The following KIAA1958 variants were observed in gnomAD, a reference collection of about 807,000 sequenced individuals.
KIAA1958 encodes uncharacterized protein KIAA1958.
A neutral mutation model predicts 47.2 loss-of-function variants in KIAA1958; 14 were observed. The observed-to-expected ratio is 0.30, with a 90% confidence interval of 0.20 to 0.46. The LOEUF (loss-of-function observed/expected upper bound fraction) is 0.46. Among genes scored for constraint, KIAA1958 ranks in the 20% least tolerant of loss-of-function variants. KIAA1958 has a pLI of 1.00. For missense variants in KIAA1958, 803 were observed against 909.2 expected, an observed-to-expected ratio of 0.88 and a Z score of 1.50; for synonymous variants, 354 against 353.3, an observed-to-expected ratio of 1.00 and a Z score of -0.02.
At chr9:112,488,236 T>G (rs1245393036) in intron 1 of KIAA1958, among the ~76,000 whole-genome samples, 1 of 152,206 alleles carries the variant, frequency 6.6e-6, no homozygotes, top group Non-Finnish European at 1.5e-5. Context: ...TCTAGGATTG[T>G]GCCTTTACTA....
chr9:112,579,259 A>G (rs1453386533), intron 2 of KIAA1958, among the ~76,000 whole-genome samples: 1 of 152,008 alleles, frequency 6.6e-6, no homozygotes, highest in African/African-American at 2.4e-5. Context: ...CAATTCTTTC[A>G]ACATCTATCA....
Position 112,574,549 on chromosome 9 carries a change from G to T in KIAA1958, c.469G>T (p.Asp157Tyr). ...TTGTGAGTCTTCTGTTACAGATGAG[G>T]ATAGTGACTTTGAACCCCAAACCCA... ...MVCESSVTDE[D>Y]SDFEPQTQRP... Residue 157 changes from aspartate to tyrosine, a missense_variant, in exon 2 of 4, where the codon GAT becomes TAT. Physicochemically the swap from Asp to Tyr is radical, Grantham distance 160 (BLOSUM62 -3). Around this residue, in one of 2 missense-constraint regions of KIAA1958, gnomAD observed 761 missense variants for 829.3 expected, o/e 0.92. Transcript: ENST00000337530. The T allele has an allele frequency of 6.2e-7, 1 of 1,614,126 alleles. No individual in the cohort carries two copies. The highest frequency in any genetic ancestry group is 8.5e-7 in the Non-Finnish European group (1 of 1,180,020).
chr9:112,525,825 G>C (rs1340736536), intron 1 of KIAA1958, among the ~76,000 whole-genome samples: 1 of 150,638 alleles, frequency 6.6e-6, no homozygotes. Context: ...ACTGAATCTG[G>C]GTGAGCATAG....
intron 1 of KIAA1958, among the ~76,000 whole-genome samples, chr9:112,561,494 A>G (rs1489290544): frequency 6.6e-6 from 1 of 152,230 alleles, no homozygotes; most frequent in East Asian, 1.9e-4. Flanking sequence ...CCCAGTGCCT[A>G]GTGGCCCACT....
chr9:112,609,649 T>C (rs1836291585), intron 2 of KIAA1958, among the ~76,000 whole-genome samples: 1 of 152,076 alleles, frequency 6.6e-6, no homozygotes. Flanking sequence ...CCTCCTAGGC[T>C]CAAGGGATTC....
At chr9:112,655,805 A>G (rs1837141010) in intron 3 of KIAA1958, among the ~76,000 whole-genome samples, 2 of 152,192 alleles carry the variant, frequency 1.3e-5, no homozygotes, top group Non-Finnish European at 2.9e-5. Flanking sequence ...GCCTCATCTC[A>G]GTAATAGCTG....
intron 2 of KIAA1958, among the ~76,000 whole-genome samples, chr9:112,643,346 A>T (rs1017714203): frequency 1.3e-4 from 20 of 152,226 alleles, no homozygotes; most frequent in African/African-American, 4.3e-4. Flanking sequence ...GAAGTTACTT[A>T]CATGTATGAG....
chr9:112,524,360 C>T (rs545159844), intron 1 of KIAA1958, among the ~76,000 whole-genome samples: 12 of 152,314 alleles, frequency 7.9e-5, no homozygotes, highest in Admixed American at 2.0e-4. Flanking sequence ...GCGTGCTCCG[C>T]GCTTGAAGGG....
chr9:112,654,581 C>T (rs1280476823), intron 3 of KIAA1958, among the ~76,000 whole-genome samples: 1 of 151,924 alleles, frequency 6.6e-6, no homozygotes, highest in Admixed American at 6.6e-5. Flanking sequence ...TGATATCCCT[C>T]TCTGCCTCAG....
At chr9:112,576,060 T>C (rs1835639940) in intron 2 of KIAA1958, among the ~76,000 whole-genome samples, 1 of 152,242 alleles carries the variant, frequency 6.6e-6, no homozygotes, top group African/African-American at 2.4e-5. Flanking sequence ...TGGCATGTTT[T>C]AGTTTATTTC....
intron 1 of KIAA1958, among the ~76,000 whole-genome samples, chr9:112,513,047 C>T (rs893545883): frequency 1.2e-4 from 16 of 137,798 alleles, no homozygotes; most frequent in Non-Finnish European, 1.5e-5. Context: ...CTCTGTCACC[C>T]AGGCTGGAGT....
In KIAA1958 at chr9:112,551,665, C is replaced by T. The variant is rs113435953; in HGVS notation, c.-24-22392C>T. Reference sequence around the variant, plus strand: ...TAAGAACATAATACAGTATCCTTTACCAGGTCAAGAAGAGAGGGATGTTTT... The same window carrying T: ...TAAGAACATAATACAGTATCCTTTATCAGGTCAAGAAGAGAGGGATGTTTT... On this transcript the variant is annotated intron_variant, in intron 1 of 3. Transcript: ENST00000337530. 5.3e-3 allele frequency among the ~76,000 whole-genome samples: 801 copies of T among 152,244 alleles called. 10 individuals carry two copies. Among genetic ancestry groups the T allele is most frequent in the African/African-American group, 0.018 (761 of 41,534 alleles).
chr9:112,506,328 C>T (rs1229764522), intron 1 of KIAA1958, among the ~76,000 whole-genome samples: 1 of 152,032 alleles, frequency 6.6e-6, no homozygotes, highest in Non-Finnish European at 1.5e-5. Flanking sequence ...TGTTGGCGGG[C>T]GCCTGTAGTC....
intron 2 of KIAA1958, among the ~76,000 whole-genome samples, chr9:112,605,874 C>T (rs1836225440): frequency 6.6e-6 from 1 of 152,208 alleles, no homozygotes; most frequent in Non-Finnish European, 1.5e-5. Flanking sequence ...TTAAATGTGT[C>T]ACTTATCCTC....
At chr9:112,594,994 G>C (rs1469665460) in intron 2 of KIAA1958, among the ~76,000 whole-genome samples, 1 of 152,014 alleles carries the variant, frequency 6.6e-6, no homozygotes, top group East Asian at 1.9e-4. Context: ...ATCTTTTTAT[G>C]TGTTTCTGCT....
chr9:112,606,941 T>C (rs905545237), intron 2 of KIAA1958, among the ~76,000 whole-genome samples: 5 of 152,220 alleles, frequency 3.3e-5, no homozygotes, highest in African/African-American at 1.2e-4. Flanking sequence ...GCCACTTCTC[T>C]TGGAAATCAT....
intron 2 of KIAA1958, among the ~76,000 whole-genome samples, chr9:112,608,541 C>A (rs1836272806): frequency 6.6e-6 from 1 of 152,180 alleles, no homozygotes; most frequent in African/African-American, 2.4e-5. Flanking sequence ...GTAATCCCAG[C>A]ACTTTGGGAG....
At chr9:112,510,374 C>G in intron 1 of KIAA1958, among the ~76,000 whole-genome samples, 1 of 152,210 alleles carries the variant, frequency 6.6e-6, no homozygotes, top group Non-Finnish European at 1.5e-5. Context: ...AAGCAAAAAT[C>G]TCTGGGAGCC....
At chr9:112,516,066 T>A in intron 1 of KIAA1958, among the ~76,000 whole-genome samples, 1 of 152,206 alleles carries the variant, frequency 6.6e-6, no homozygotes, top group Middle Eastern at 3.2e-3. Context: ...CTGTATTCAC[T>A]GACAAAATGA....
Sources: gnomAD v4.1 joint callset for allele counts (sites outside exome capture counted in the v4.1 genomes callset) on GRCh38, gnomAD v4.1.1 for gene constraint, gnomAD v4.1.1 regional missense constraint, MANE v1.5 for transcripts, NCBI Gene and HGNC (gene_info 2026-07-23, HGNC 2026-07-21) for gene names.